The following PLD5 variants were observed in gnomAD, a reference collection of about 807,000 sequenced individuals.
PLD5 encodes inactive phospholipase D5.
Under a neutral mutation model 61.1 loss-of-function variants are expected in PLD5, and 36 were observed. The observed-to-expected ratio is 0.59, with a 90% CI of 0.45 to 0.78. PLD5 has a LOEUF of 0.78. PLD5 is among the 30% of genes least tolerant of loss of function. The pLI is 0.00. For synonymous variants in PLD5, 243 were observed against 242.8 expected (o/e 1.00, Z -0.01); for missense variants, 515 against 644.4 (o/e 0.80, Z 2.17).
chr1:242,502,600 C>T (rs761626792), intron 1 of PLD5, among the ~76,000 whole-genome samples: 1 of 152,066 alleles, frequency 6.6e-6, no homozygotes, highest in Non-Finnish European at 1.5e-5. Flanking sequence ...GAAATTACAA[C>T]TAATCAATTA....
rs193213937 is a variant in PLD5, at chr1:242,165,339, A to G, written c.736-40674T>C. Among the ~76,000 whole-genome samples the G allele has an allele frequency of 1.6e-3, 244 of 151,614 alleles. 3 individuals carry two copies. Among genetic ancestry groups the G allele is most frequent in the African/African-American group, 5.7e-3 (233 of 40,996 alleles). On this transcript the variant is annotated intron_variant, in intron 5 of 9. Coordinates refer to ENST00000536534, the MANE Select transcript of PLD5 (RefSeq NM_001372062.1). ...CAAGTTATAACTTTTATTTATGGGA[A>G]ATTTAAAAAAGACTGTTCACATCCT...
intron 1 of PLD5, among the ~76,000 whole-genome samples, chr1:242,460,249 C>T (rs1354087223): frequency 1.3e-5 from 2 of 152,170 alleles, no homozygotes; most frequent in Non-Finnish European, 2.9e-5. Context: ...AACCTACCCC[C>T]GCCCTCACTA....
intron 1 of PLD5, among the ~76,000 whole-genome samples, chr1:242,470,956 A>C (rs1381748256): frequency 1.3e-5 from 2 of 152,192 alleles, no homozygotes; most frequent in Non-Finnish European, 2.9e-5. Flanking sequence ...TCCTTGTCCA[A>C]GACAATGTGG....
rs12072120 is a variant in PLD5 at position 242,421,384 on chromosome 1, A to G, written c.190-73142T>C. The stretch of plus-strand genomic sequence containing the variant: ...GTATTGTTCTAGGACCAAGGCTGAA[A>G]GAGCAGCTTCTGTCAGGATACAGCC... On this transcript the variant is annotated intron_variant, in intron 1 of 9. Transcript: ENST00000536534. Among the ~76,000 whole-genome samples the G allele has an allele frequency of 8.6e-3, 1,307 of 152,234 alleles. 19 individuals carry two copies. The highest frequency in any genetic ancestry group is 0.03 in the African/African-American group (1,255 of 41,528).
At chr1:242,093,713 G>A (rs1422252268) in intron 9 of PLD5, among the ~76,000 whole-genome samples, 2 of 151,962 alleles carry the variant, frequency 1.3e-5, no homozygotes, top group Non-Finnish European at 2.9e-5. Flanking sequence ...GTCGACCCCC[G>A]AGGTCAGGAG....
chr1:242,403,965 C>T lies in PLD5; in HGVS notation c.190-55723G>A, dbSNP rs117171004. ...ATTCCAGAGGTGGAATCTAGCATCC[C>T]CCACCTCACTTGGCTTCGGAAAAAA... On this transcript the variant is annotated intron_variant, in intron 1 of 9. Coordinates refer to ENST00000536534, the MANE Select transcript of PLD5 (RefSeq NM_001372062.1). Among the ~76,000 whole-genome samples, 15 of 152,254 alleles carry T rather than the reference C, an allele frequency of 9.9e-5. No individual in the cohort carries two copies. In the East Asian group the frequency reaches 2.5e-3, roughly 25 times the overall value.
chr1:242,299,308 A>T (rs7555625), intron 2 of PLD5, among the ~76,000 whole-genome samples: 144,936 of 152,222 alleles, frequency 0.95, 69,253 homozygotes, highest in Middle Eastern at 0.99. Flanking sequence ...TTAAGTAATT[A>T]TAAAATATAC....
chr1:242,518,280 C>T (rs758081701), intron 1 of PLD5, among the ~76,000 whole-genome samples: 34 of 152,176 alleles, frequency 2.2e-4, no homozygotes, highest in Admixed American at 5.9e-4. Context: ...GTTAAAAGGG[C>T]TATCTCTTAA....
chr1:242,114,667 T>A (rs569966053), intron 6 of PLD5, among the ~76,000 whole-genome samples: 1 of 152,154 alleles, frequency 6.6e-6, no homozygotes, highest in Non-Finnish European at 1.5e-5. Context: ...TAGATTCTCA[T>A]AGGGGCGTGA....
chr1:242,183,379 T>C (rs1281977571), intron 5 of PLD5, among the ~76,000 whole-genome samples: 2 of 152,134 alleles, frequency 1.3e-5, no homozygotes, highest in African/African-American at 2.4e-5. Context: ...CAGCCCCACA[T>C]GGCTACCATA....
intron 1 of PLD5, among the ~76,000 whole-genome samples, chr1:242,384,281 C>T (rs952019894): frequency 6.6e-6 from 1 of 152,176 alleles, no homozygotes; most frequent in Admixed American, 6.6e-5. Flanking sequence ...GTGAAAGAAA[C>T]TACAGGTGGC....
intron 1 of PLD5, among the ~76,000 whole-genome samples, chr1:242,462,760 T>C (rs945629080): frequency 2.6e-5 from 4 of 152,144 alleles, no homozygotes; most frequent in Admixed American, 6.5e-5. Flanking sequence ...TGTTCCTCAC[T>C]GCCACTTTGA....
At chr1:242,370,026 A>G (rs1487419042) in intron 1 of PLD5, among the ~76,000 whole-genome samples, 1 of 152,176 alleles carries the variant, frequency 6.6e-6, no homozygotes, top group Admixed American at 6.6e-5. Context: ...GGAGTAGAAC[A>G]CTGGTGACTC....
chr1:242,301,765 C>CATTATTATTATTATTATTATTATT lies in PLD5; in HGVS notation c.327-13259_327-13236dup, dbSNP rs543604489. ...GTAGGTTTATTTTTATTTTTTAAAACATTATTATTATTATTATTATTATTA... is the reference window on the plus strand; with the variant it reads ...GTAGGTTTATTTTTATTTTTTAAAACATTATTATTATTATTATTATTATTATTATTATTATTATTATTATTATTA... On this transcript the variant is annotated intron_variant, in intron 2 of 9. Transcript: ENST00000536534. Among the ~76,000 whole-genome samples the CATTATTATTATTATTATTATTATT allele has an allele frequency of 1.1e-3, 156 of 141,034 alleles. 1 individual carries two copies. The highest frequency in any genetic ancestry group is 7.5e-3 in the East Asian group (36 of 4,820). The allele number at this position is 141,034 out of a possible 152,430, so 92.5% of individuals were successfully genotyped here. A position where few individuals can be genotyped will look rare whatever the true frequency, so the allele number is the denominator to read the frequency against.
intron 1 of PLD5, among the ~76,000 whole-genome samples, chr1:242,516,933 T>C (rs1439631114): frequency 1.3e-5 from 2 of 152,226 alleles, no homozygotes; most frequent in Non-Finnish European, 2.9e-5. Flanking sequence ...CTTACCAGCT[T>C]TTATTAAATT....
intron 1 of PLD5, among the ~76,000 whole-genome samples, chr1:242,373,764 C>A (rs974762865): frequency 6.6e-6 from 1 of 151,984 alleles, no homozygotes. Flanking sequence ...AACACTTGGA[C>A]ACAAGAAGGG....
chr1:242,324,147 G>T (rs539294422), intron 2 of PLD5, among the ~76,000 whole-genome samples: 2 of 151,980 alleles, frequency 1.3e-5, no homozygotes, highest in African/African-American at 4.8e-5. Flanking sequence ...TGTTGTAAAT[G>T]CATTTAAAGA....
chr1:242,297,742 C>T (rs1263934607), intron 2 of PLD5, among the ~76,000 whole-genome samples: 8 of 149,698 alleles, frequency 5.3e-5, no homozygotes, highest in Non-Finnish European at 8.9e-5. Flanking sequence ...CGGGTTCACG[C>T]CATTCTCCTG....
At chr1:242,257,492 G>T (rs1446841667) in intron 4 of PLD5, among the ~76,000 whole-genome samples, 1 of 152,180 alleles carries the variant, frequency 6.6e-6, no homozygotes, top group East Asian at 1.9e-4. Context: ...GCTCTAGGAT[G>T]AATTTCTTTC....
Sources: allele counts gnomAD v4.1 joint callset (sites outside exome capture counted in the v4.1 genomes callset), GRCh38; gene constraint gnomAD v4.1.1; transcripts MANE v1.5; gene names NCBI Gene and HGNC (gene_info 2026-07-23, HGNC 2026-07-21).